Variants in HS1BP3 observed in about 807,000 individuals in gnomAD.
The protein encoded by HS1BP3 is HCLS1-binding protein 3.
A neutral mutation model predicts 33.5 loss-of-function variants in HS1BP3; 32 were observed. The ratio of observed to expected loss-of-function variants is 0.95; its 90% CI spans 0.72 to 1.28. The LOEUF (loss-of-function observed/expected upper bound fraction) is 1.28, where lower values mean the gene tolerates loss of function less well. HS1BP3 is among the 50% of genes most tolerant of loss of function. The pLI, the probability that HS1BP3 is intolerant of heterozygous loss-of-function variation, is 0.00. For missense variants in HS1BP3, 486 were observed against 502.3 expected (o/e 0.97, Z 0.31); for synonymous variants, 187 against 209.2 (o/e 0.89, Z 0.92).
intron 3 of HS1BP3, among the ~76,000 whole-genome samples, chr2:20,596,840 T>TC (rs34569151): frequency 6.6e-6 from 1 of 152,122 alleles, no homozygotes; most frequent in African/African-American, 2.4e-5. Context: ...CTGGTGTTTT[T>TC]CCCCCTCTGC....
intron 1 of HS1BP3, among the ~76,000 whole-genome samples, chr2:20,649,957 T>C (rs934886331): frequency 6.6e-6 from 1 of 152,202 alleles, no homozygotes; most frequent in African/African-American, 2.4e-5. Flanking sequence ...ACTACTGACG[T>C]TGCTCATGCC....
chr2:20,638,769 C>T, intron 3 of HS1BP3, 117 bp from the exon 4 acceptor site: 1 of 768,886 alleles, frequency 1.3e-6, no homozygotes, highest in Non-Finnish European at 2.1e-6. Context: ...CCTGCAGCCT[C>T]CTGGGACCAA....
downstream of HS1BP3, among the ~76,000 whole-genome samples, chr2:20,615,954 A>G (rs1200915573): frequency 6.6e-6 from 1 of 152,246 alleles, no homozygotes; most frequent in African/African-American, 2.4e-5. Context: ...CCCATGACAC[A>G]GGCCTGGCCA....
intron 4 of HS1BP3, chr2:20,634,576 C>T (rs1188222324): frequency 1.3e-5 from 2 of 152,170 alleles, no homozygotes; most frequent in Non-Finnish European, 2.9e-5. Flanking sequence ...GGGACTGAGG[C>T]CCTGCTGTCC....
At chr2:20,575,786 C>A (rs1159488376) in intron 5 of HS1BP3, among the ~76,000 whole-genome samples, 1 of 152,090 alleles carries the variant, frequency 6.6e-6, no homozygotes, top group Non-Finnish European at 1.5e-5. Context: ...TCAGGCTACC[C>A]CAGCAAGGGA....
intron 5 of HS1BP3, among the ~76,000 whole-genome samples, chr2:20,562,591 C>T (rs890424282): frequency 3.4e-4 from 51 of 152,198 alleles, no homozygotes; most frequent in African/African-American, 1.1e-3. Flanking sequence ...CAGAGGGGGT[C>T]ACAGGAACCC....
chr2:20,635,492 T>C (rs1572354417), intron 4 of HS1BP3: 1 of 152,264 alleles, frequency 6.6e-6, no homozygotes, highest in Non-Finnish European at 1.5e-5. Context: ...GACTTTTATC[T>C]GTGTTTGCAA....
chr2:20,591,670 C>T (rs1213495610), downstream of HS1BP3, among the ~76,000 whole-genome samples: 4 of 152,206 alleles, frequency 2.6e-5, no homozygotes, highest in African/African-American at 9.6e-5. Flanking sequence ...CTCCTGTGTT[C>T]AAGTGATTCT....
At chr2:20,629,075 C>T (rs137944952) in intron 4 of HS1BP3, among the ~76,000 whole-genome samples, 29 of 152,288 alleles carry the variant, frequency 1.9e-4, no homozygotes, top group African/African-American at 6.5e-4. Flanking sequence ...GCTTATACAT[C>T]TGGACAGTTA....
At chr2:20,626,278 T>G (rs1294103613) in intron 4 of HS1BP3, among the ~76,000 whole-genome samples, 1 of 152,182 alleles carries the variant, frequency 6.6e-6, no homozygotes, top group Non-Finnish European at 1.5e-5. Flanking sequence ...GAGGAGAAAC[T>G]ATGAAAGCCA....
At chr2:20,615,076 C>T (rs908214102), downstream of HS1BP3, among the ~76,000 whole-genome samples, 3 of 152,304 alleles carry the variant, frequency 2.0e-5, no homozygotes, top group Admixed American at 6.5e-5. Flanking sequence ...GGCCTGCCAC[C>T]TCCTGTTAGG....
At chr2:20,639,236 G>A (rs1228968981) in intron 3 of HS1BP3, among the ~76,000 whole-genome samples, 11 of 152,182 alleles carry the variant, frequency 7.2e-5, no homozygotes, top group African/African-American at 1.9e-4. Flanking sequence ...TTAGATGAGC[G>A]CTTCTTGAAG....
intron 5 of HS1BP3, among the ~76,000 whole-genome samples, chr2:20,569,660 C>T (rs555203030): frequency 1.3e-5 from 2 of 152,348 alleles, no homozygotes; most frequent in East Asian, 1.9e-4. Flanking sequence ...GTCACCAGCC[C>T]CACTGGTTCC....
At chr2:20,650,989 G>C (rs374400482) in intron 1 of HS1BP3, 43 bp downstream of exon 1, 17 of 1,231,830 alleles carry the variant, frequency 1.4e-5, no homozygotes, top group East Asian at 3.1e-5. Flanking sequence ...CGGGCGCCCC[G>C]GACTGCGAGC....
At chr2:20,620,768 G>A (rs1694571983) in intron 6 of HS1BP3, among the ~76,000 whole-genome samples, 1 of 152,232 alleles carries the variant, frequency 6.6e-6, no homozygotes, top group African/African-American at 2.4e-5. Context: ...GTTTCCAAAT[G>A]TACAGGAAGG....
At chr2:20,619,335 C>T in intron 6 of HS1BP3, 90 bp from the exon 7 acceptor site, 1 of 1,189,216 alleles carries the variant, frequency 8.4e-7, no homozygotes, top group East Asian at 2.6e-5. Flanking sequence ...CCACACGGGG[C>T]TGGGCAGCGG....
intron 4 of HS1BP3, among the ~76,000 whole-genome samples, chr2:20,629,800 G>C (rs1360903086): frequency 1.3e-5 from 2 of 152,250 alleles, no homozygotes; most frequent in Non-Finnish European, 2.9e-5. Flanking sequence ...TCTGCAGGCG[G>C]GCGTGCAGCA....
chr2:20,563,450 T>C (rs1044652621), intron 5 of HS1BP3, among the ~76,000 whole-genome samples: 1 of 152,198 alleles, frequency 6.6e-6, no homozygotes, highest in South Asian at 2.1e-4. Context: ...GCCCCTGCAA[T>C]GAGCTGTGGT....
chr2:20,575,094 C>T (rs958075397), intron 5 of HS1BP3, among the ~76,000 whole-genome samples: 3 of 152,218 alleles, frequency 2.0e-5, no homozygotes, highest in African/African-American at 4.8e-5. Context: ...GGACAAAGCC[C>T]GGGACTTTTC....
Sources: allele counts gnomAD v4.1 joint callset (sites outside exome capture counted in the v4.1 genomes callset), GRCh38; gene constraint gnomAD v4.1.1; transcripts MANE v1.5; gene names NCBI Gene and HGNC (gene_info 2026-07-23, HGNC 2026-07-21).